ZFYVE26: variants seen among roughly 807,000 people sequenced by gnomAD.
The protein encoded by ZFYVE26 is zinc finger FYVE-type containing 26.
In ZFYVE26, 181 loss-of-function variants were observed where a neutral mutation model predicts 276.5. The observed-to-expected ratio is 0.65, with a 90% CI of 0.58 to 0.74. The LOEUF (loss-of-function observed/expected upper bound fraction) is 0.74. ZFYVE26 is among the 30% of genes least tolerant of loss of function. The pLI is 0.00. For missense variants in ZFYVE26, 2,821 were observed against 3,097.9 expected (o/e 0.91, Z 2.12); for synonymous variants, 1,129 against 1,203.1 (o/e 0.94, Z 1.27).
rs747918986 is a variant in ZFYVE26, at chr14:67,762,381, C to A, written c.6191G>T (p.Gly2064Val). Residue 2064 changes from glycine (G) to valine (V), a missense_variant, in exon 34 of 42, where the codon GGG becomes GTG. Physicochemically the swap from Gly to Val is moderately radical, Grantham distance 109. Transcript: ENST00000347230. Reference sequence around the variant, plus strand: ...GGCCATGCCCCAAGCATGCCACGCCCCGGTGGTATCAAGCCCAGTCTTTGT... The same window carrying A: ...GGCCATGCCCCAAGCATGCCACGCCACGGTGGTATCAAGCCCAGTCTTTGT... ...VSTKTGLDTT[G>V]AWHAWGMACL... is the part of the protein sequence containing the mutation. 1.2e-6 allele frequency: 2 copies of A among 1,614,094 alleles called. No homozygotes were observed. Among genetic ancestry groups the A allele is most frequent in the South Asian group, 2.2e-5 (2 of 91,068 alleles).
chr14:67,785,373 T>C (rs1242996428), intron 18 of ZFYVE26, 96 bp from the exon 19 acceptor site: 20 of 1,122,870 alleles, frequency 1.8e-5, no homozygotes, highest in East Asian at 1.0e-4. Flanking sequence ...GTGCCCCCTA[T>C]ACACTGCCTG....
In ZFYVE26 at chr14:67,748,644, C is replaced by A; in HGVS notation, c.7417-5G>T. 1 of 1,613,798 alleles carries A rather than the reference C, an allele frequency of 6.2e-7. No homozygotes were observed. The highest frequency in any genetic ancestry group is 8.5e-7 in the Non-Finnish European group (1 of 1,180,018). ...ACATATCAGGTAGGCCCGAACCTGG[C>A]AGTCAGTTATAAGAGACAGCGGAAA... On this transcript the variant is annotated splice_polypyrimidine_tract_variant and splice_region_variant and intron_variant, in intron 41 of 41. Transcript: ENST00000347230.
chr14:67,754,644 A>G (rs778483864), intron 37 of ZFYVE26, among the ~76,000 whole-genome samples: 4 of 152,224 alleles, frequency 2.6e-5, no homozygotes, highest in Admixed American at 2.0e-4. Context: ...GTTGTGTTCT[A>G]TGTAGAGGGA....
At chr14:67,769,425 A>G (rs112719727) in intron 29 of ZFYVE26, among the ~76,000 whole-genome samples, 169 bp downstream of exon 29, 2 of 152,318 alleles carry the variant, frequency 1.3e-5, no homozygotes, top group African/African-American at 4.8e-5. Flanking sequence ...GGTTTCTCTG[A>G]CCAAAGTCAG....
At chr14:67,785,715 T>C (rs2140227307) in intron 18 of ZFYVE26, 143 bp downstream of exon 18, 4 of 1,128,114 alleles carry the variant, frequency 3.5e-6, no homozygotes, top group East Asian at 4.7e-5. Context: ...TTACGAGACA[T>C]TGAGACATGC....
intron 39 of ZFYVE26, 96 bp from the exon 40 acceptor site, chr14:67,752,622 A>C: frequency 7.7e-7 from 1 of 1,294,750 alleles, no homozygotes; most frequent in Admixed American, 1.8e-5. Context: ...CTTGGTGTAG[A>C]TAAGCCATAT....
chr14:67,729,421 A>G (rs1429910202), exon 14 of ZFYVE26: 4 of 1,575,974 alleles, frequency 2.5e-6, no homozygotes, highest in Admixed American at 3.3e-5. Flanking sequence ...ACCTGTGTGC[A>G]TGGGAGGTGC....
chr14:67,780,422 A>G, intron 22 of ZFYVE26, 77 bp from the exon 23 acceptor site: 1 of 1,293,562 alleles, frequency 7.7e-7, no homozygotes, highest in South Asian at 1.3e-5. Context: ...GCATGTCCAC[A>G]GATGGGCCAT....
At chr14:67,813,902 A>G in intron 3 of ZFYVE26, 84 bp downstream of exon 3, 1 of 960,432 alleles carries the variant, frequency 1.0e-6, no homozygotes, top group Non-Finnish European at 1.7e-6. Context: ...AAAGGAAGTA[A>G]CAGACAGAAG....
At chr14:67,768,750 C>T (rs2039126991) in intron 29 of ZFYVE26, among the ~76,000 whole-genome samples, 1 of 151,980 alleles carries the variant, frequency 6.6e-6, no homozygotes, top group Admixed American at 6.5e-5. Flanking sequence ...GTAATTCCTC[C>T]AGGAGGGAGG....
chr14:67,736,939 G>T (rs1057481402), intron 13 of ZFYVE26, among the ~76,000 whole-genome samples: 1 of 152,102 alleles, frequency 6.6e-6, no homozygotes, highest in African/African-American at 2.4e-5. Flanking sequence ...TTAAACACCC[G>T]CAGTGACCAG....
Position 67,789,464 on chromosome 14 carries a change from G to A in ZFYVE26, c.2890C>T (p.Leu964=), listed in dbSNP as rs2140232466. The change falls in exon 16 of 42, where the codon CTG becomes TTG. Residue 964 remains leucine, a synonymous_variant. Transcript: ENST00000347230. ...VEPTAPLREV[L]EDLSPPAMAA... ...ATGGCAGGGGGACTGAGGTCTTCCA[G>A]AACCTCTCTCAGGGGAGCAGTGGGC... 6.2e-7 allele frequency: 1 copy of A among 1,614,188 alleles called. No homozygotes were observed. Among genetic ancestry groups the A allele is most frequent in the Admixed American group, 1.7e-5 (1 of 60,028 alleles).
In ZFYVE26 at chr14:67,790,569, G is replaced by T; in HGVS notation, c.2755+3C>A. The T allele has an allele frequency of 1.2e-6, 2 of 1,613,088 alleles. No individual in the cohort carries two copies. The highest frequency in any genetic ancestry group is 2.2e-5 in the South Asian group (2 of 90,994). On this transcript the variant is annotated splice_donor_region_variant and intron_variant, in intron 15 of 41. Transcript: ENST00000347230. ...ACTTATGGTGTTAGCAGGGAAGCCT[G>T]ACCTGCTGCTGCAGCGCTGCCAATG...
At position 67,801,840 on chromosome 14, in the gene ZFYVE26, A is replaced by G. The variant is rs12433710; in HGVS notation, c.1639+239T>C. On this transcript the variant is annotated intron_variant, in intron 10 of 41. Coordinates refer to ENST00000347230, the MANE Select transcript of ZFYVE26 (RefSeq NM_015346.4). Reference sequence around the variant, plus strand: ...TCCTACCGTGAAATATAGTTTTTAAAAAAGCGTTTGGAAAACACCATACTA... The same window carrying G: ...TCCTACCGTGAAATATAGTTTTTAAGAAAGCGTTTGGAAAACACCATACTA... Among the ~76,000 whole-genome samples, 36,662 of 152,174 alleles carry G rather than the reference A, an allele frequency of 0.24. 5,608 individuals carry two copies. The highest frequency in any genetic ancestry group is 0.37 in the Middle Eastern group (110 of 294).
rs1469106845 is a variant in ZFYVE26 at position 67,813,971 on chromosome 14, T to C, written c.273+15A>G. 6.2e-7 allele frequency: 1 copy of C among 1,605,624 alleles called. No homozygotes were observed. Among genetic ancestry groups the C allele is most frequent in the East Asian group, 2.2e-5 (1 of 44,854 alleles). On this transcript the variant is annotated intron_variant, in intron 3 of 41. Coordinates refer to ENST00000347230, the MANE Select transcript of ZFYVE26 (RefSeq NM_015346.4). ...GTCCTGGCCTCGGAGGAAAATTTAA[T>C]ATAAACCTACTTACCTTTTCCCGGG...
chr14:67,802,026 C>T, intron 10 of ZFYVE26, 53 bp downstream of exon 10: 1 of 1,593,572 alleles, frequency 6.3e-7, no homozygotes, highest in Non-Finnish European at 8.6e-7. Context: ...ACAAAGCACC[C>T]ACTGGCATGT....
intron 3 of ZFYVE26, among the ~76,000 whole-genome samples, chr14:67,811,790 T>C (rs1480426923): frequency 6.7e-6 from 1 of 149,370 alleles, no homozygotes; most frequent in Non-Finnish European, 1.5e-5. Flanking sequence ...TATTTGTATA[T>C]TTAATTTTGT....
downstream of ZFYVE26, among the ~76,000 whole-genome samples, chr14:67,742,898 G>A (rs2038433737): frequency 7.4e-6 from 1 of 135,304 alleles, no homozygotes; most frequent in Admixed American, 8.1e-5. Context: ...GGAATGCAGT[G>A]GCACAACCTT....
Position 67,785,270 on chromosome 14 carries a change from C to G in ZFYVE26, c.3312G>C (p.Arg1104Ser). The G allele has an allele frequency of 6.2e-7, 1 of 1,603,138 alleles. No homozygotes were observed. ...CCACCAGGGAAGACAGTGGAGGAGT[C>G]CTGGGCTCTGAGAGGAGGATGGCAG... ...LREALELPEP[R>S]TPPLSSLVEQ... The change falls in exon 19 of 42, where the codon AGG (arginine) becomes AGC (serine). Residue 1104 changes from arginine (R) to serine (S), a missense_variant. Coordinates refer to ENST00000347230, the MANE Select transcript of ZFYVE26 (RefSeq NM_015346.4).
Sources: allele counts gnomAD v4.1 joint callset (sites outside exome capture counted in the v4.1 genomes callset), GRCh38; gene constraint gnomAD v4.1.1; transcripts MANE v1.5; gene names NCBI Gene and HGNC (gene_info 2026-07-23, HGNC 2026-07-21).